CSTF1: variants seen among roughly 807,000 people sequenced by gnomAD.
CSTF1 encodes the protein CF-1 50 kDa subunit.
Under a neutral mutation model 40.9 loss-of-function variants are expected in CSTF1, and 2 were observed. The observed-to-expected ratio is 0.05, with a 90% CI of 0.02 to 0.15. The LOEUF (loss-of-function observed/expected upper bound fraction) is 0.15, where lower values mean the gene tolerates loss of function less well. Ranked by LOEUF, CSTF1 falls within the 10% of genes least tolerant of loss-of-function variation. The pLI, the probability that CSTF1 is intolerant of heterozygous loss-of-function variation, is 1.00. For synonymous variants in CSTF1, 218 were observed against 207.2 expected, an observed-to-expected ratio of 1.05 and a Z score of -0.45; for missense variants, 279 against 558.9, an observed-to-expected ratio of 0.50 and a Z score of 5.05.
chr20:56,398,468 G>C (rs1978326638), intron 4 of CSTF1, among the ~76,000 whole-genome samples: 2 of 152,222 alleles, frequency 1.3e-5, no homozygotes, highest in Non-Finnish European at 2.9e-5. Context: ...TACTCAGGAG[G>C]CGGAGGCAAG....
chr20:56,398,460 C>T (rs1435963272), intron 4 of CSTF1, among the ~76,000 whole-genome samples: 7 of 152,306 alleles, frequency 4.6e-5, no homozygotes, highest in Admixed American at 4.6e-4. Flanking sequence ...GTCCCAGCTA[C>T]TCAGGAGGCG....
intron 5 of CSTF1, among the ~76,000 whole-genome samples, chr20:56,400,767 G>T (rs569844938): frequency 6.6e-6 from 1 of 152,158 alleles, no homozygotes; most frequent in East Asian, 1.9e-4. Context: ...TGGGCCAGGC[G>T]CGGTGGCTCA....
chr20:56,401,490 A>G (rs913284763), intron 5 of CSTF1, among the ~76,000 whole-genome samples: 1 of 152,210 alleles, frequency 6.6e-6, no homozygotes, highest in Non-Finnish European at 1.5e-5. Context: ...ATATTTCAGC[A>G]CAGTTTGGTG....
chr20:56,395,666 C>G lies in CSTF1; in HGVS notation c.114C>G (p.Ile38Met). 1 of 1,614,190 alleles carries G rather than the reference C, an allele frequency of 6.2e-7. No individual in the cohort carries two copies. Among genetic ancestry groups the G allele is most frequent in the Non-Finnish European group, 8.5e-7 (1 of 1,180,020 alleles). ...ISIANGLINE[I>M]KPQSVCAPSE... ...TCGCCAATGGCCTCATCAATGAAATCAAGCCTCAGTCTGTGTGTGCACCCT... is the reference window on the plus strand; with the variant it reads ...TCGCCAATGGCCTCATCAATGAAATGAAGCCTCAGTCTGTGTGTGCACCCT... The change falls in exon 2 of 6, where the codon ATC becomes ATG. Residue 38 changes from isoleucine to methionine, a missense_variant. Ile to Met is a conservative substitution (Grantham distance 10). Coordinates refer to ENST00000217109, the MANE Select transcript of CSTF1 (RefSeq NM_001324.3).
chr20:56,401,749 C>T (rs1978462808), intron 5 of CSTF1, among the ~76,000 whole-genome samples: 1 of 152,176 alleles, frequency 6.6e-6, no homozygotes, highest in Admixed American at 6.5e-5. Context: ...GCTGAGCACT[C>T]GCACTCCAGA....
rs149093077 is a variant in CSTF1 at position 56,396,220 on chromosome 20, C to T, written c.169+499C>T. 9.2e-5 allele frequency among the ~76,000 whole-genome samples: 14 copies of T among 152,306 alleles called. No homozygotes were observed. The East Asian group carries it at 2.7e-3, about 29-fold the overall frequency. ...AAAAGACTACAAGTTGAGTAAGGAT[C>T]AGGACCTTGTATTATTCAGCAGTAT... On this transcript the variant is annotated intron_variant, in intron 2 of 5. Transcript: ENST00000217109.
At position 56,403,782 on chromosome 20, in the gene CSTF1, C is replaced by G. The variant is rs143018521; in HGVS notation, c.*55C>G. 417 of 1,544,120 alleles carry G rather than the reference C, an allele frequency of 2.7e-4. 1 individual carries two copies. The highest frequency in any genetic ancestry group is 3.5e-4 in the Non-Finnish European group (393 of 1,134,222). Reference sequence around the variant, plus strand: ...GGACTCTACCCTCCTCCCCCACGTCCTGTCTCAGCTGCAGTCGTAAGTCCG... The same window carrying G: ...GGACTCTACCCTCCTCCCCCACGTCGTGTCTCAGCTGCAGTCGTAAGTCCG... On this transcript the variant is annotated 3_prime_UTR_variant, in exon 6 of 6. Transcript: ENST00000217109.
chr20:56,403,214 G>C (rs930492824), intron 5 of CSTF1, among the ~76,000 whole-genome samples: 1 of 150,692 alleles, frequency 6.6e-6, no homozygotes, highest in Non-Finnish European at 1.5e-5. Context: ...TTGCTCTGTT[G>C]CCTGTTGCCC....
At chr20:56,398,841 T>C (rs1055864042) in intron 4 of CSTF1, 126 bp from the exon 5 acceptor site, 10 of 869,318 alleles carry the variant, frequency 1.2e-5, no homozygotes, top group African/African-American at 1.7e-5. Flanking sequence ...TTTTTTCTTA[T>C]GATACCTGTG....
rs1158475720 is a variant in CSTF1 at position 56,397,842 on chromosome 20, G to A, written c.645+1G>A. 1 of 1,602,590 alleles carries A rather than the reference G, an allele frequency of 6.2e-7. No homozygotes were observed. Among genetic ancestry groups the A allele is most frequent in the East Asian group, 2.2e-5 (1 of 44,844 alleles). ...AAAAAGAGCCTTCAAATACATTCAG[G>A]TAGGAATCTTTAGAAAGGAGCTTTA... On this transcript the variant is annotated splice_donor_variant, in intron 4 of 5. Transcript: ENST00000217109. LOFTEE classifies it high-confidence loss of function. The surrounding 1 kb of genome is among the most constrained non-coding windows in gnomAD (Gnocchi z 4.4).
chr20:56,395,873 T>A, intron 2 of CSTF1, 152 bp downstream of exon 2: 1 of 765,216 alleles, frequency 1.3e-6, no homozygotes, highest in Non-Finnish European at 2.1e-6. Flanking sequence ...GTTCAGGAAG[T>A]AGCTCAGTAA....
chr20:56,393,884 C>T (rs148571249), intron 1 of CSTF1, among the ~76,000 whole-genome samples: 4 of 152,076 alleles, frequency 2.6e-5, no homozygotes, highest in Admixed American at 2.0e-4. Context: ...AAGCCTCTTC[C>T]CGCCTGCTGT....
rs1978628435 is a variant in CSTF1, at chr20:56,404,662, T to C, written c.*935T>C. On this transcript the variant is annotated 3_prime_UTR_variant, in exon 6 of 6. Transcript: ENST00000217109. ...TTTTCTTGAATTTTTTTTTTTTTAATTGAGGCACAGTCTTGCTCTGTCACC... is the reference window on the plus strand; with the variant it reads ...TTTTCTTGAATTTTTTTTTTTTTAACTGAGGCACAGTCTTGCTCTGTCACC... The C allele has an allele frequency of 6.6e-6, 1 of 151,762 alleles. No homozygotes were observed. Among genetic ancestry groups the C allele is most frequent in the Non-Finnish European group, 1.5e-5 (1 of 67,966 alleles). 9.4% of individuals were successfully genotyped at this position (151,762 alleles called of 1,614,324 possible). A position where few individuals can be genotyped will look rare whatever the true frequency, so the allele number is the denominator to read the frequency against.
At chr20:56,396,487 G>C (rs117607868) in intron 2 of CSTF1, among the ~76,000 whole-genome samples, 1 of 152,196 alleles carries the variant, frequency 6.6e-6, no homozygotes, top group Non-Finnish European at 1.5e-5. Context: ...CTTTTGTTCT[G>C]CTTGATTAAG....
intron 5 of CSTF1, among the ~76,000 whole-genome samples, chr20:56,402,203 A>G (rs773269275): frequency 2.6e-5 from 4 of 152,012 alleles, no homozygotes; most frequent in Non-Finnish European, 5.9e-5. Flanking sequence ...GCTACTCAGG[A>G]GGCTGAGGCA....
intron 5 of CSTF1, among the ~76,000 whole-genome samples, chr20:56,402,322 A>G (rs1403179244): frequency 7.3e-6 from 1 of 136,818 alleles, no homozygotes; most frequent in East Asian, 2.0e-4. Context: ...AAAAAAAAAA[A>G]GAGAGAATTT....
chr20:56,399,263 T>C lies in CSTF1; in HGVS notation c.942T>C (p.Phe314=), dbSNP rs1394215944. ...HDGAEVCSAI[F]SKNSKYILSS... is the part of the protein sequence containing the mutation. ...GTGCTGAAGTTTGTTCTGCCATTTT[T>C]TCCAAAAATTCTAAATACATTCTCT... Residue 314 remains phenylalanine (F), a synonymous_variant, in exon 5 of 6, where the codon TTT becomes TTC. Coordinates refer to ENST00000217109, the MANE Select transcript of CSTF1 (RefSeq NM_001324.3). This position sits in a 1 kb window ranked among gnomAD's most constrained non-coding sequence, Gnocchi z 4.6. The C allele has an allele frequency of 1.9e-6, 3 of 1,614,228 alleles. No homozygotes were observed. Among genetic ancestry groups the C allele is most frequent in the South Asian group, 1.1e-5 (1 of 91,088 alleles).
In CSTF1 at chr20:56,397,746, A is replaced by G. The variant is rs150765899; in HGVS notation, c.550A>G (p.Thr184Ala). Residue 184 changes from threonine to alanine, a missense_variant, in exon 4 of 6, where the codon ACA (threonine) becomes GCA (alanine). By Grantham distance (58) the Thr-to-Ala change is moderately conservative. Coordinates refer to ENST00000217109, the MANE Select transcript of CSTF1 (RefSeq NM_001324.3). This position sits in a 1 kb window ranked among gnomAD's most constrained non-coding sequence, Gnocchi z 4.4. ...DEVTCLAFHP[T>A]EQILASGSRD... ...AGTCACGTGCCTTGCTTTCCACCCA[A>G]CAGAACAGATCCTGGCTTCTGGTTC... The G allele has an allele frequency of 1.1e-5, 17 of 1,614,004 alleles. No homozygotes were observed. Among genetic ancestry groups the G allele is most frequent in the East Asian group, 2.2e-5 (1 of 44,890 alleles).
rs748439069 is a variant in CSTF1, at chr20:56,398,971, C to G, written c.650C>G (p.Ala217Gly). 14 of 1,599,804 alleles carry G rather than the reference C, an allele frequency of 8.8e-6. No individual in the cohort carries two copies. The highest frequency in any genetic ancestry group is 1.2e-5 in the Non-Finnish European group (14 of 1,171,456). Residue 217 changes from alanine (A) to glycine (G), a missense_variant, in exon 5 of 6, where the codon GCT (alanine) becomes GGT (glycine). By Grantham distance (60) the Ala-to-Gly change is moderately conservative (BLOSUM62 0). Coordinates refer to ENST00000217109, the MANE Select transcript of CSTF1 (RefSeq NM_001324.3). ...AKRAFKYIQE[A>G]EMLRSISFHP... ...TTAATGTCTCTGTCCCAACAGGAAG[C>G]TGAAATGTTACGTTCCATCTCTTTT...
Sources: gnomAD v4.1 joint callset for allele counts (sites outside exome capture counted in the v4.1 genomes callset) on GRCh38, gnomAD v4.1.1 for gene constraint, Gnocchi (gnomAD v3.1) non-coding constraint, MANE v1.5 for transcripts, NCBI Gene and HGNC (gene_info 2026-07-23, HGNC 2026-07-21) for gene names.